Variants in NARS1 observed in about 807,000 individuals in gnomAD.
The protein encoded by NARS1 is asparaginyl-tRNA synthetase 1.
A neutral mutation model predicts 79.2 loss-of-function variants in NARS1; 65 were observed. That is an observed-to-expected ratio of 0.82 (90% CI 0.67 to 1.01). NARS1 has a LOEUF of 1.01. Ranked by LOEUF, NARS1 falls within the 50% of genes least tolerant of loss-of-function variation. NARS1 has a pLI of 0.00. For synonymous variants in NARS1, 229 were observed against 238.8 expected, an observed-to-expected ratio of 0.96 and a Z score of 0.38; for missense variants, 649 against 673.8, an observed-to-expected ratio of 0.96 and a Z score of 0.41.
chr18:57,602,339 A>T lies in NARS1; in HGVS notation c.1515+16T>A. 4 of 1,604,836 alleles carry T rather than the reference A, an allele frequency of 2.5e-6. No homozygotes were observed. Among genetic ancestry groups the T allele is most frequent in the Non-Finnish European group, 3.4e-6 (4 of 1,176,862 alleles). On this transcript the variant is annotated intron_variant, in intron 13 of 13. Coordinates refer to ENST00000256854, the MANE Select transcript of NARS1 (RefSeq NM_004539.4). ...CAGTGGAAAAAAATGTTGAGTACTT[A>T]AAAAATTGGTTTTACCTGATCCGTA...
chr18:57,605,964 G>A lies in NARS1; in HGVS notation c.1144C>T (p.Gln382Ter). 1 of 1,609,810 alleles carries A rather than the reference G, an allele frequency of 6.2e-7. No individual in the cohort carries two copies. Among genetic ancestry groups the A allele is most frequent in the Non-Finnish European group, 8.5e-7 (1 of 1,176,966 alleles). ...CGTTTGAAAGGCCGTTTGGGGGGCT[G>A]AAAGTTCTACAGAAGAAAGGAAAAA... is the stretch of plus-strand genomic sequence containing the variant. ...SIVHELNPNF[Q>*]PPKRPFKRMN... The change falls in exon 11 of 14, where the codon CAG becomes TAG. Residue 382 changes from glutamine to a stop codon, truncating the protein, a stop_gained. Coordinates refer to ENST00000256854, the MANE Select transcript of NARS1 (RefSeq NM_004539.4). LOFTEE classifies it high-confidence loss of function.
rs1343812134 is a variant in NARS1, at chr18:57,621,788, G to C, written c.-71C>G. ...CGACGCCGTCTTATGACTCCAACGT[G>C]CACCGGCGGTTTCCGCGATTCCGGC... On this transcript the variant is annotated 5_prime_UTR_variant, in exon 1 of 14. Transcript: ENST00000256854. 3.5e-5 allele frequency: 56 copies of C among 1,610,718 alleles called. No individual in the cohort carries two copies. Among genetic ancestry groups the C allele is most frequent in the Non-Finnish European group, 4.7e-5 (56 of 1,179,254 alleles).
chr18:57,620,897 A>C (rs1368567426), intron 1 of NARS1, among the ~76,000 whole-genome samples: 1 of 152,212 alleles, frequency 6.6e-6, no homozygotes, highest in Admixed American at 6.5e-5. Context: ...TATTTATTCT[A>C]TCTAATTGGG....
In NARS1 at chr18:57,607,473, C is replaced by T; in HGVS notation, c.772G>A (p.Asp258Asn). 6.2e-7 allele frequency: 1 copy of T among 1,614,148 alleles called. No individual in the cohort carries two copies. Among genetic ancestry groups the T allele is most frequent in the East Asian group, 2.2e-5 (1 of 44,888 alleles). Residue 258 changes from aspartate (D) to asparagine (N), a missense_variant, in exon 8 of 14, where the codon GAT becomes AAT. Coordinates refer to ENST00000256854, the MANE Select transcript of NARS1 (RefSeq NM_004539.4). ...ARSMVTRCFR[D>N]HFFDRGYYEV... ...TAGTACCCCCTATCAAAGAAGTGAT[C>T]TCTAAAGCACCTGGTGACCATGGAT...
At position 57,607,339 on chromosome 18, in the gene NARS1, C is replaced by G. The variant is rs911716675; in HGVS notation, c.802-6G>C. Reference sequence around the variant, plus strand: ...ACTAATGTTGGAGGAGTAACCTGTTCAAATGCAAAGAAGGAATAAATCAAT... The same window carrying G: ...ACTAATGTTGGAGGAGTAACCTGTTGAAATGCAAAGAAGGAATAAATCAAT... On this transcript the variant is annotated splice_polypyrimidine_tract_variant and splice_region_variant and intron_variant, in intron 8 of 13. Transcript: ENST00000256854. The G allele has an allele frequency of 6.2e-7, 1 of 1,613,480 alleles. No individual in the cohort carries two copies. Among genetic ancestry groups the G allele is most frequent in the Non-Finnish European group, 8.5e-7 (1 of 1,179,654 alleles).
At chr18:57,603,570 T>C (rs1163102742) in intron 11 of NARS1, among the ~76,000 whole-genome samples, 1 of 152,196 alleles carries the variant, frequency 6.6e-6, no homozygotes, top group Non-Finnish European at 1.5e-5. Context: ...AGCGCATCAG[T>C]TTCTCTCTCA....
intron 11 of NARS1, among the ~76,000 whole-genome samples, chr18:57,604,271 GCT>G (rs2051535262): frequency 6.6e-6 from 1 of 152,066 alleles, no homozygotes; most frequent in African/African-American, 2.4e-5. Flanking sequence ...GAATTCATAG[GCT>G]GGGCACAGTG....
rs767034907 is a variant in NARS1 at position 57,607,321 on chromosome 18, T to C, written c.814A>G (p.Thr272Ala). The C allele has an allele frequency of 6.2e-6, 10 of 1,614,150 alleles. No individual in the cohort carries two copies. The highest frequency in any genetic ancestry group is 1.3e-5 in the African/African-American group (1 of 75,048). The change falls in exon 9 of 14, where the codon ACA becomes GCA. Residue 272 changes from threonine (T) to alanine (A), a missense_variant. Transcript: ENST00000256854. ...CCTTCTACTTGTGTTTGCACTAATG[T>C]TGGAGGAGTAACCTGTTCAAATGCA... ...DRGYYEVTPP[T>A]LVQTQVEGGA...
chr18:57,620,382 G>GT (rs1392571888), intron 2 of NARS1, among the ~76,000 whole-genome samples, 187 bp downstream of exon 2: 1 of 124,386 alleles, frequency 8.0e-6, no homozygotes, highest in African/African-American at 2.7e-5. Flanking sequence ...ATGTTAAAAA[G>GT]TAAGTTTAGA....
intron 6 of NARS1, among the ~76,000 whole-genome samples, chr18:57,610,069 G>A (rs1189559623): frequency 6.6e-6 from 1 of 150,712 alleles, no homozygotes; most frequent in Non-Finnish European, 1.5e-5. Flanking sequence ...AAACCATACA[G>A]AGCCCATCTA....
intron 5 of NARS1, among the ~76,000 whole-genome samples, 187 bp from the exon 6 acceptor site, chr18:57,611,894 C>A (rs1011854372): frequency 3.3e-5 from 5 of 152,106 alleles, no homozygotes; most frequent in African/African-American, 1.2e-4. Context: ...TCCCAGATAG[C>A]TGGGACTACA....
Position 57,621,806 on chromosome 18 carries a change from A to C in NARS1, c.-89T>G, listed in dbSNP as rs1399823091. The C allele has an allele frequency of 6.2e-7, 1 of 1,601,668 alleles. No homozygotes were observed. The highest frequency in any genetic ancestry group is 8.5e-7 in the Non-Finnish European group (1 of 1,175,994). The stretch of plus-strand genomic sequence containing the variant: ...CCAACGTGCACCGGCGGTTTCCGCG[A>C]TTCCGGCGTTGCATCAGAGAGCGTA... On this transcript the variant is annotated 5_prime_UTR_variant, in exon 1 of 14. Coordinates refer to ENST00000256854, the MANE Select transcript of NARS1 (RefSeq NM_004539.4).
intron 11 of NARS1, among the ~76,000 whole-genome samples, chr18:57,604,400 A>C (rs1246432519): frequency 1.3e-5 from 2 of 152,120 alleles, no homozygotes; most frequent in Non-Finnish European, 2.9e-5. Flanking sequence ...TAAAAAAAAA[A>C]AACCAAAAAA....
chr18:57,620,167 G>T (rs1236491773), intron 2 of NARS1, among the ~76,000 whole-genome samples: 1 of 152,024 alleles, frequency 6.6e-6, no homozygotes, highest in African/African-American at 2.4e-5. Flanking sequence ...TGGTGGTCTT[G>T]GAGTCAAATC....
At chr18:57,603,479 A>G (rs918794112) in intron 11 of NARS1, among the ~76,000 whole-genome samples, 1 of 152,106 alleles carries the variant, frequency 6.6e-6, no homozygotes, top group Admixed American at 6.5e-5. Context: ...AGACACAATC[A>G]TAAGACAAAT....
At chr18:57,615,512 AAAT>A (rs1297686866) in intron 4 of NARS1, 126 bp downstream of exon 4, 1 of 640,616 alleles carries the variant, frequency 1.6e-6, no homozygotes, top group African/African-American at 1.9e-5. Flanking sequence ...AAAAATAAAT[AAAT>A]AAATAAATAA....
At chr18:57,612,571 G>C (rs537090378) in intron 5 of NARS1, among the ~76,000 whole-genome samples, 1 of 152,038 alleles carries the variant, frequency 6.6e-6, no homozygotes, top group African/African-American at 2.4e-5. Flanking sequence ...GAGTAGCTGG[G>C]ATTACAGGTG....
intron 7 of NARS1, among the ~76,000 whole-genome samples, chr18:57,608,320 C>T (rs112424237): frequency 0.018 from 2,753 of 151,566 alleles, 77 homozygotes; most frequent in African/African-American, 0.055. Flanking sequence ...CATGGTGGCG[C>T]ACGCCTATAG....
intron 9 of NARS1, 75 bp from the exon 10 acceptor site, chr18:57,606,826 G>C: frequency 1.3e-6 from 2 of 1,574,508 alleles, no homozygotes; most frequent in Non-Finnish European, 1.7e-6. Flanking sequence ...TTTTAACATT[G>C]GGAAGCTGTC....
Sources: gnomAD v4.1 joint callset for allele counts (sites outside exome capture counted in the v4.1 genomes callset) on GRCh38, gnomAD v4.1.1 for gene constraint, MANE v1.5 for transcripts, NCBI Gene and HGNC (gene_info 2026-07-23, HGNC 2026-07-21) for gene names.